UNC13C: variants seen among roughly 807,000 people sequenced by gnomAD.
UNC13C encodes the protein unc-13 homolog C.
A neutral mutation model predicts 245.4 loss-of-function variants in UNC13C; 174 were observed. That is an observed-to-expected ratio of 0.71 (90% confidence interval 0.63 to 0.80). The LOEUF (loss-of-function observed/expected upper bound fraction) is 0.80. UNC13C is among the 30% of genes least tolerant of loss of function. The pLI, the probability that UNC13C is intolerant of heterozygous loss-of-function variation, is 0.00. For missense variants in UNC13C, 2,829 were observed against 2,602.9 expected (o/e 1.09, Z -1.89); for synonymous variants, 992 against 895.1 (o/e 1.11, Z -1.93).
intron 4 of UNC13C, among the ~76,000 whole-genome samples, chr15:54,193,592 C>T (rs16974296): frequency 0.26 from 39,652 of 151,998 alleles, 5,250 homozygotes; most frequent in Middle Eastern, 0.29. Context: ...CTCACACCCC[C>T]AGCCCTTCAG....
intron 30 of UNC13C, among the ~76,000 whole-genome samples, chr15:54,577,194 A>G (rs1028257924): frequency 1.6e-5 from 2 of 124,214 alleles, no homozygotes; most frequent in African/African-American, 5.9e-5. Flanking sequence ...AGAAAGAGAG[A>G]AAAAGACTAC....
chr15:54,488,209 T>A (rs1247454957), intron 19 of UNC13C, among the ~76,000 whole-genome samples: 1 of 152,220 alleles, frequency 6.6e-6, no homozygotes, highest in Non-Finnish European at 1.5e-5. Context: ...GTGTTTTGTA[T>A]CTATCATAGT....
chr15:54,115,624 AATTTT>A (rs1319571334), intron 2 of UNC13C, among the ~76,000 whole-genome samples: 1 of 152,150 alleles, frequency 6.6e-6, no homozygotes, highest in Non-Finnish European at 1.5e-5. Context: ...TTTTAAAAAT[AATTTT>A]ATTTTAATTT....
At chr15:54,264,049 T>C in intron 8 of UNC13C, 119 bp from the exon 9 acceptor site, 3 of 971,628 alleles carry the variant, frequency 3.1e-6, no homozygotes, top group Non-Finnish European at 4.6e-6. Context: ...AAAAGCCACC[T>C]GACTCCACAG....
intron 2 of UNC13C, among the ~76,000 whole-genome samples, chr15:54,083,197 C>T (rs967862803): frequency 6.6e-6 from 1 of 152,078 alleles, no homozygotes; most frequent in Non-Finnish European, 1.5e-5. Context: ...GAACACGATT[C>T]CCTTCCCTAT....
intron 19 of UNC13C, among the ~76,000 whole-genome samples, chr15:54,460,660 G>A (rs1338626355): frequency 6.6e-6 from 1 of 152,236 alleles, no homozygotes; most frequent in East Asian, 1.9e-4. Context: ...AAGAGTTTAC[G>A]TCCTTTGTCT....
chr15:54,372,076 T>C (rs1329241309), intron 17 of UNC13C, among the ~76,000 whole-genome samples: 1 of 152,074 alleles, frequency 6.6e-6, no homozygotes, highest in Non-Finnish European at 1.5e-5. Flanking sequence ...TAAAAATAGC[T>C]AAGAGAGTAG....
intron 30 of UNC13C, among the ~76,000 whole-genome samples, chr15:54,568,946 A>G (rs1897632771): frequency 6.6e-6 from 1 of 152,190 alleles, no homozygotes; most frequent in Non-Finnish European, 1.5e-5. Flanking sequence ...ATCCCTTTTC[A>G]TATATCCCAG....
intron 10 of UNC13C, among the ~76,000 whole-genome samples, chr15:54,284,791 A>G (rs991960193): frequency 1.3e-5 from 2 of 152,066 alleles, no homozygotes; most frequent in Non-Finnish European, 2.9e-5. Flanking sequence ...TATATTTTAC[A>G]TTATAATTTT....
In UNC13C at chr15:54,469,498, T is replaced by G. The variant is rs1310220044; in HGVS notation, c.4934-25110T>G. On this transcript the variant is annotated intron_variant, in intron 19 of 32. Coordinates refer to ENST00000260323, the MANE Select transcript of UNC13C (RefSeq NM_001080534.3). ...ACATGTCTCTGGTTCCAGGACCCCC[T>G]GTAGATACCAAAATCTGTGCATGTT... Among the ~76,000 whole-genome samples, 5 of 151,604 alleles carry G rather than the reference T, an allele frequency of 3.3e-5. No homozygotes were observed. In the South Asian group the frequency reaches 1.0e-3, roughly 31 times the overall value.
At position 54,594,158 on chromosome 15, in the gene UNC13C, CAG is replaced by C. The variant is rs775518410; in HGVS notation, c.6106+26214_6106+26215del. Among the ~76,000 whole-genome samples the C allele has an allele frequency of 1.3e-4, 20 of 152,278 alleles. No individual in the cohort carries two copies. In the South Asian group the frequency reaches 1.5e-3, roughly 11 times the overall value. On this transcript the variant is annotated intron_variant, in intron 30 of 32. Coordinates refer to ENST00000260323, the MANE Select transcript of UNC13C (RefSeq NM_001080534.3). ...GGGCTGGTACTGGGGGTTGTCTGCA[CAG>C]AGTCTTGTGGTGTGAACCATCTATG...
intron 19 of UNC13C, among the ~76,000 whole-genome samples, chr15:54,431,130 T>A (rs1316852774): frequency 6.6e-6 from 1 of 151,794 alleles, no homozygotes. Flanking sequence ...GGAGATTTAT[T>A]TTTTGAATGT....
At chr15:54,041,093 T>C (rs1896789773) in intron 2 of UNC13C, among the ~76,000 whole-genome samples, 1 of 152,210 alleles carries the variant, frequency 6.6e-6, no homozygotes, top group South Asian at 2.1e-4. Context: ...CTTTGTCTGT[T>C]TTGCTTATTA....
chr15:54,005,598 C>T (rs1895099785), intron 1 of UNC13C, among the ~76,000 whole-genome samples: 1 of 152,138 alleles, frequency 6.6e-6, no homozygotes, highest in African/African-American at 2.4e-5. Context: ...GTTTGGTAAA[C>T]AGCTTAGAAG....
chr15:54,223,488 A>G (rs911261048), intron 4 of UNC13C, among the ~76,000 whole-genome samples: 7 of 152,136 alleles, frequency 4.6e-5, no homozygotes, highest in African/African-American at 1.4e-4. Flanking sequence ...TATTTTGGTT[A>G]CTGTAGCTCT....
chr15:54,446,906 A>C (rs550465322), intron 19 of UNC13C, among the ~76,000 whole-genome samples: 1 of 152,304 alleles, frequency 6.6e-6, no homozygotes, highest in South Asian at 2.1e-4. Flanking sequence ...TTGCCCATTC[A>C]GTATGATATT....
At chr15:54,109,269 TCCTCCCCTCCCCTCC>T (rs1323893946) in intron 2 of UNC13C, among the ~76,000 whole-genome samples, 2 of 81,970 alleles carry the variant, frequency 2.4e-5, no homozygotes, top group Admixed American at 1.2e-4. Flanking sequence ...CCTTTCCCTC[TCCTCCCCTCCCCTCC>T]CCTCCCCTCC....
At chr15:54,543,175 C>G (rs1315756458) in intron 26 of UNC13C, among the ~76,000 whole-genome samples, 1 of 152,060 alleles carries the variant, frequency 6.6e-6, no homozygotes, top group Non-Finnish European at 1.5e-5. Context: ...CCTTTGGGAG[C>G]TCTTGTAAGG....
intron 10 of UNC13C, among the ~76,000 whole-genome samples, chr15:54,291,775 G>A (rs982825069): frequency 6.6e-6 from 1 of 151,940 alleles, no homozygotes; most frequent in Non-Finnish European, 1.5e-5. Context: ...TCACTTTTAT[G>A]TAAAATAATT....
Sources: gnomAD v4.1 joint callset for allele counts (sites outside exome capture counted in the v4.1 genomes callset) on GRCh38, gnomAD v4.1.1 for gene constraint, MANE v1.5 for transcripts, NCBI Gene and HGNC (gene_info 2026-07-23, HGNC 2026-07-21) for gene names.